The following ZNF83 variants were observed in gnomAD, a reference collection of about 807,000 sequenced individuals.
ZNF83 encodes the protein zinc finger protein 816B.
For missense variants in ZNF83, 552 were observed against 629.9 expected (o/e 0.88, Z 1.32); for synonymous variants, 209 against 213.0 (o/e 0.98, Z 0.17).
chr19:52,632,157 C>G (rs994005290), intron 2 of ZNF83, among the ~76,000 whole-genome samples: 2 of 152,192 alleles, frequency 1.3e-5, no homozygotes, highest in Admixed American at 6.5e-5. Context: ...GGCCTTCCCA[C>G]CTCTATACAG....
intron 2 of ZNF83, among the ~76,000 whole-genome samples, chr19:52,629,388 C>G (rs974336362): frequency 6.6e-6 from 1 of 152,084 alleles, no homozygotes; most frequent in African/African-American, 2.4e-5. Context: ...CCCCAAGCAT[C>G]GCTGAGTCTT....
chr19:52,683,515 G>GACCCTCACTCT (rs1391253781), intron 1 of ZNF83, among the ~76,000 whole-genome samples: 1 of 26,892 alleles, frequency 3.7e-5, no homozygotes, highest in Non-Finnish European at 7.6e-5. Flanking sequence ...CTTCCTGAAG[G>GACCCTCACTCT]GAATCCAAAG....
intron 2 of ZNF83, among the ~76,000 whole-genome samples, chr19:52,628,394 C>CT (rs1296150084): frequency 2.0e-5 from 3 of 152,188 alleles, no homozygotes; most frequent in African/African-American, 7.2e-5. Context: ...CCCTCAACCT[C>CT]TGTCTCCTTT....
chr19:52,620,262 GTATA>G (rs149456544), intron 2 of ZNF83, among the ~76,000 whole-genome samples: 3,004 of 131,724 alleles, frequency 0.023, 51 homozygotes, highest in African/African-American at 0.05. Context: ...ATCTGTGTGT[GTATA>G]TCTCTGTGTG....
chr19:52,625,745 T>C (rs1021972052), intron 2 of ZNF83, among the ~76,000 whole-genome samples: 5 of 152,190 alleles, frequency 3.3e-5, no homozygotes, highest in Admixed American at 3.3e-4. Context: ...TATTTACTTA[T>C]ATCCAGCCCC....
chr19:52,641,078 C>T (rs2061298135), upstream of ZNF83, among the ~76,000 whole-genome samples: 2 of 151,606 alleles, frequency 1.3e-5, no homozygotes, highest in Non-Finnish European at 2.9e-5. Context: ...CCTCCAGACC[C>T]CGCCCCCAAG....
upstream of ZNF83, among the ~76,000 whole-genome samples, chr19:52,638,560 G>C (rs776985491): frequency 6.6e-6 from 1 of 152,236 alleles, no homozygotes; most frequent in African/African-American, 2.4e-5. Context: ...AGGCGAGACC[G>C]GCCAGGAAGG....
chr19:52,688,069 T>A (rs2062077992), intron 1 of ZNF83, among the ~76,000 whole-genome samples: 1 of 151,904 alleles, frequency 6.6e-6, no homozygotes, highest in Non-Finnish European at 1.5e-5. Flanking sequence ...TCTTTATAAT[T>A]TAATCAAGTT....
chr19:52,619,408 A>T (rs902590124), intron 2 of ZNF83, among the ~76,000 whole-genome samples: 2 of 152,098 alleles, frequency 1.3e-5, no homozygotes, highest in African/African-American at 4.8e-5. Flanking sequence ...CAGGTGGATC[A>T]CAAGGTCAGG....
chr19:52,661,813 T>TG (rs2061584237), intron 1 of ZNF83, among the ~76,000 whole-genome samples: 1 of 152,062 alleles, frequency 6.6e-6, no homozygotes, highest in South Asian at 2.1e-4. Flanking sequence ...CAATGTCAAA[T>TG]GGGGCCTGTG....
intron 1 of ZNF83, among the ~76,000 whole-genome samples, chr19:52,662,644 C>A (rs548424069): frequency 1.5e-4 from 23 of 152,130 alleles, no homozygotes; most frequent in Non-Finnish European, 3.1e-4. Flanking sequence ...GAAAAAGCCA[C>A]AAACTATTTG....
At chr19:52,622,770 C>T (rs550602677) in intron 2 of ZNF83, among the ~76,000 whole-genome samples, 1 of 147,376 alleles carries the variant, frequency 6.8e-6, no homozygotes, top group Admixed American at 6.7e-5. Context: ...CCAGTCAGCT[C>T]CTGACATTAG....
intron 1 of ZNF83, among the ~76,000 whole-genome samples, chr19:52,687,589 TATATATA>T (rs779158337): frequency 0.24 from 13,432 of 56,402 alleles, 4,437 homozygotes; most frequent in African/African-American, 0.49. Context: ...TATATATATA[TATATATA>T]ATGTATATAT....
chr19:52,649,519 C>T (rs1032973215), intron 3 of ZNF83, among the ~76,000 whole-genome samples: 8 of 152,008 alleles, frequency 5.3e-5, no homozygotes, highest in African/African-American at 1.5e-4. Context: ...AATGGGATAA[C>T]GACACAGTCC....
At chr19:52,656,225 TC>T (rs2061502980) in intron 2 of ZNF83, among the ~76,000 whole-genome samples, 1 of 128,244 alleles carries the variant, frequency 7.8e-6, no homozygotes, top group Non-Finnish European at 1.8e-5. Context: ...TCTCTCTCTC[TC>T]TATATATATA....
chr19:52,622,003 CT>C (rs2055092213), intron 2 of ZNF83, among the ~76,000 whole-genome samples: 1 of 152,046 alleles, frequency 6.6e-6, no homozygotes, highest in Admixed American at 6.6e-5. Flanking sequence ...GCTGCTGAGT[CT>C]TCTGAATCCT....
At chr19:52,641,801 G>A (rs371253454), upstream of ZNF83, among the ~76,000 whole-genome samples, 5 of 152,240 alleles carry the variant, frequency 3.3e-5, no homozygotes, top group East Asian at 1.9e-4. Context: ...ACAGCCTCAG[G>A]CGGTCCCGAC....
At chr19:52,637,928 C>A (rs1282653000) in intron 1 of ZNF83, among the ~76,000 whole-genome samples, 2 of 152,184 alleles carry the variant, frequency 1.3e-5, no homozygotes, top group Non-Finnish European at 2.9e-5. Flanking sequence ...AAGTACGCGG[C>A]CTCCCTGGGA....
At chr19:52,649,477 T>C (rs1219438934) in intron 3 of ZNF83, among the ~76,000 whole-genome samples, 1 of 152,130 alleles carries the variant, frequency 6.6e-6, no homozygotes, top group Non-Finnish European at 1.5e-5. Flanking sequence ...ACGTTCCCAT[T>C]GTAGACCAGA....
Sources: gnomAD v4.1 joint callset for allele counts (sites outside exome capture counted in the v4.1 genomes callset) on GRCh38, gnomAD v4.1.1 for gene constraint, MANE v1.5 for transcripts, NCBI Gene and HGNC (gene_info 2026-07-23, HGNC 2026-07-21) for gene names.